VIL1: variants seen among roughly 807,000 people sequenced by gnomAD.
The protein encoded by VIL1 is villin-1.
A neutral mutation model predicts 104.0 loss-of-function variants in VIL1; 86 were observed. The ratio of observed to expected loss-of-function variants is 0.83; its 90% confidence interval spans 0.69 to 0.99. VIL1 has a LOEUF of 0.99. Among genes scored for constraint, VIL1 ranks in the 50% least tolerant of loss-of-function variants. VIL1 has a pLI of 0.00. For synonymous variants in VIL1, 394 were observed against 412.6 expected, an observed-to-expected ratio of 0.95 and a Z score of 0.55; for missense variants, 944 against 1,054.1, an observed-to-expected ratio of 0.90 and a Z score of 1.45.
intron 9 of VIL1, among the ~76,000 whole-genome samples, chr2:218,430,264 G>A (rs1025645536): frequency 6.6e-6 from 1 of 152,180 alleles, no homozygotes; most frequent in African/African-American, 2.4e-5. Context: ...GAAATGGAGG[G>A]AGGCTGGCTT....
chr2:218,431,922 CAGA>C lies in VIL1; in HGVS notation c.1172_1174del (p.Lys391del), dbSNP rs941192973. On this transcript the variant is annotated inframe_deletion, in exon 11 of 20. Coordinates refer to ENST00000248444, the MANE Select transcript of VIL1 (RefSeq NM_007127.3). ...TGTCAAGCCTCAGGTGGCTGCCCAG[CAGA>C]AGATGGTAGATGATGGGAGTGGGGA... is the stretch of plus-strand genomic sequence containing the variant. 12 of 1,613,824 alleles carry C rather than the reference CAGA, an allele frequency of 7.4e-6. No homozygotes were observed. Among genetic ancestry groups the C allele is most frequent in the African/African-American group, 1.3e-5 (1 of 74,840 alleles).
intron 4 of VIL1, 37 bp downstream of exon 4, chr2:218,425,848 T>A: frequency 6.4e-7 from 1 of 1,574,728 alleles, no homozygotes; most frequent in Non-Finnish European, 8.6e-7. Context: ...GGAATGAGGA[T>A]GAGTGGTAGG....
intron 19 of VIL1, among the ~76,000 whole-genome samples, chr2:218,442,578 C>T (rs1689301457): frequency 6.6e-6 from 1 of 152,034 alleles, no homozygotes. Context: ...TCAAGTGATC[C>T]TCCCACCTCA....
intron 19 of VIL1, among the ~76,000 whole-genome samples, chr2:218,442,619 G>C (rs966580337): frequency 7.9e-5 from 12 of 152,046 alleles, no homozygotes; most frequent in African/African-American, 2.9e-4. Flanking sequence ...TACAGCGACT[G>C]CACCCAGCCT....
Position 218,450,248 on chromosome 2 carries a change from AAAG to A in VIL1, c.*916_*918del, listed in dbSNP as rs1689446873. The A allele has an allele frequency of 6.6e-6, 1 of 152,388 alleles. No homozygotes were observed. The highest frequency in any genetic ancestry group is 1.9e-4 in the East Asian group (1 of 5,190). 9.4% of individuals were successfully genotyped at this position (152,388 alleles called of 1,614,324 possible). ...CCTTTTCAGAAATAACAGTCAAATC[AAAG>A]AAGGTTAATAAAGGCTTTAATTTCA... On this transcript the variant is annotated 3_prime_UTR_variant, in exon 20 of 20. Coordinates refer to ENST00000248444, the MANE Select transcript of VIL1 (RefSeq NM_007127.3).
chr2:218,431,442 C>T (rs1432001426), intron 10 of VIL1, among the ~76,000 whole-genome samples: 2 of 151,620 alleles, frequency 1.3e-5, no homozygotes, highest in Admixed American at 1.3e-4. Flanking sequence ...CGAACAGCTT[C>T]AGTCTCTTAC....
rs758543446 is a variant in VIL1 at position 218,425,607 on chromosome 2, T to C, written c.151-8T>C. On this transcript the variant is annotated splice_polypyrimidine_tract_variant and splice_region_variant and intron_variant, in intron 3 of 19. Coordinates refer to ENST00000248444, the MANE Select transcript of VIL1 (RefSeq NM_007127.3). Reference sequence around the variant, plus strand: ...GGGTCTCGGGTACACTGGACACCTTTTCCCTAGATCCACAAGACAGCCAGC... The same window carrying C: ...GGGTCTCGGGTACACTGGACACCTTCTCCCTAGATCCACAAGACAGCCAGC... The C allele has an allele frequency of 1.4e-5, 23 of 1,613,754 alleles. No homozygotes were observed. The Admixed American group carries it at 3.8e-4, about 27-fold the overall frequency.
chr2:218,430,998 G>C (rs1325161776), intron 10 of VIL1, 120 bp downstream of exon 10: 1 of 1,328,888 alleles, frequency 7.5e-7, no homozygotes, highest in Non-Finnish European at 1.0e-6. Flanking sequence ...CTTTTACGCT[G>C]GCTCTGGGCT....
In VIL1 at chr2:218,434,652, A is replaced by G; in HGVS notation, c.1627A>G (p.Asn543Asp). 2.5e-6 allele frequency: 4 copies of G among 1,614,092 alleles called. No individual in the cohort carries two copies. Among genetic ancestry groups the G allele is most frequent in the Non-Finnish European group, 3.4e-6 (4 of 1,179,996 alleles). ...AGCGCGGGCCAATTTCCTCAATTCCAATGATGTCTTTGTCCTCAAGACCCA... is the reference window on the plus strand; with the variant it reads ...AGCGCGGGCCAATTTCCTCAATTCCGATGATGTCTTTGTCCTCAAGACCCA... ...VPARANFLNS[N>D]DVFVLKTQSC... is the part of the protein sequence containing the mutation. Residue 543 changes from asparagine to aspartate, a missense_variant, in exon 14 of 20, where the codon AAT (asparagine) becomes GAT (aspartate). Coordinates refer to ENST00000248444, the MANE Select transcript of VIL1 (RefSeq NM_007127.3).
chr2:218,420,355 G>A (rs1034690307), intron 1 of VIL1, among the ~76,000 whole-genome samples: 2 of 149,564 alleles, frequency 1.3e-5, no homozygotes, highest in African/African-American at 4.9e-5. Flanking sequence ...CTTGAACCCA[G>A]GAGGCGGAGA....
intron 15 of VIL1, 136 bp downstream of exon 15, chr2:218,435,570 C>T (rs996528662): frequency 3.5e-5 from 44 of 1,244,718 alleles, no homozygotes; most frequent in Middle Eastern, 5.2e-4. Context: ...ACCCCCAGGG[C>T]TACAAGATGA....
chr2:218,443,635 A>G lies in VIL1; in HGVS notation c.2370+2773A>G, dbSNP rs563350717. 3.9e-5 allele frequency among the ~76,000 whole-genome samples: 6 copies of G among 152,140 alleles called. No individual in the cohort carries two copies. In the South Asian group the frequency reaches 1.2e-3, roughly 32 times the overall value. On this transcript the variant is annotated intron_variant, in intron 19 of 19. Coordinates refer to ENST00000248444, the MANE Select transcript of VIL1 (RefSeq NM_007127.3). ...GTAGAAGCAGTCAAAGAAGGCTTAG[A>G]TTCTTTTGTAAAAATCAGTTTTCTG...
Position 218,429,785 on chromosome 2 carries a change from T to C in VIL1, c.850-64T>C. Reference sequence around the variant, plus strand: ...GGCCTGGGAGGGAGAGACTTTTTTGTGTGTGAGGCTTTCCCAGTCCAGCAC... The same window carrying C: ...GGCCTGGGAGGGAGAGACTTTTTTGCGTGTGAGGCTTTCCCAGTCCAGCAC... On this transcript the variant is annotated intron_variant, in intron 8 of 19. Transcript: ENST00000248444. 6 of 1,585,356 alleles carry C rather than the reference T, an allele frequency of 3.8e-6. No individual in the cohort carries two copies. In the South Asian group the frequency reaches 6.6e-5, roughly 18 times the overall value.
rs1365836109 is a variant in VIL1, at chr2:218,432,077, C to T, written c.1235C>T (p.Pro412Leu). The T allele has an allele frequency of 1.2e-6, 2 of 1,614,146 alleles. No individual in the cohort carries two copies. Among genetic ancestry groups the T allele is most frequent in the Non-Finnish European group, 1.7e-6 (2 of 1,180,018 alleles). ...VWRIENLELV[P>L]VDSKWLGHFY... ...CGCATTGAGAACCTAGAGCTGGTACCTGTGGATTCCAAGTGGCTAGGCCAC... is the reference window on the plus strand; with the variant it reads ...CGCATTGAGAACCTAGAGCTGGTACTTGTGGATTCCAAGTGGCTAGGCCAC... The change falls in exon 12 of 20, where the codon CCT becomes CTT. Residue 412 changes from proline (P) to leucine (L), a missense_variant. Pro to Leu is a moderately conservative substitution (Grantham distance 98). Coordinates refer to ENST00000248444, the MANE Select transcript of VIL1 (RefSeq NM_007127.3).
chr2:218,434,875 A>C (rs899058163), intron 14 of VIL1, among the ~76,000 whole-genome samples, 170 bp downstream of exon 14: 8 of 152,114 alleles, frequency 5.3e-5, no homozygotes, highest in African/African-American at 1.9e-4. Context: ...CTCTGGGTCT[A>C]TCCTTCTGCC....
rs765051792 is a variant in VIL1 at position 218,438,735 on chromosome 2, G to A, written c.2229+9G>A. ...GGAGCCAGATCACTGCTGTGAGTCC[G>A]GGGCGGGGTGGCTGGGCCCTGCAGT... is the stretch of plus-strand genomic sequence containing the variant. On this transcript the variant is annotated intron_variant, in intron 18 of 19. Coordinates refer to ENST00000248444, the MANE Select transcript of VIL1 (RefSeq NM_007127.3). The A allele has an allele frequency of 1.1e-5, 17 of 1,608,040 alleles. No homozygotes were observed. The highest frequency in any genetic ancestry group is 1.7e-4 in the Middle Eastern group (1 of 5,896).
intron 19 of VIL1, among the ~76,000 whole-genome samples, chr2:218,445,569 T>C (rs1007688854): frequency 6.6e-5 from 10 of 151,826 alleles, no homozygotes; most frequent in African/African-American, 1.5e-4. Flanking sequence ...CCCCCTGAGG[T>C]TGAAATCCAT....
rs1317314939 is a variant in VIL1 at position 218,425,766 on chromosome 2, G to A, written c.302G>A (p.Gly101Asp). 1.2e-6 allele frequency: 2 copies of A among 1,613,732 alleles called. No homozygotes were observed. The highest frequency in any genetic ancestry group is 1.7e-6 in the Non-Finnish European group (2 of 1,179,842). The change falls in exon 4 of 20, where the codon GGC becomes GAC. Residue 101 changes from glycine (G) to aspartate (D), a missense_variant. Physicochemically the swap from Gly to Asp is moderately conservative, Grantham distance 94. Transcript: ENST00000248444. Reference sequence around the variant, plus strand: ...GCTGTGCAGCACCGCGAGGTCCAGGGCAACGAGAGCGAGGCCTTCCGAGGC... The same window carrying A: ...GCTGTGCAGCACCGCGAGGTCCAGGACAACGAGAGCGAGGCCTTCCGAGGC... ...GRAVQHREVQGNESEAFRGYF... is the reference protein window; with the variant it reads ...GRAVQHREVQDNESEAFRGYF...
At chr2:218,445,038 T>C (rs2106397742) in intron 19 of VIL1, among the ~76,000 whole-genome samples, 1 of 152,120 alleles carries the variant, frequency 6.6e-6, no homozygotes, top group South Asian at 2.1e-4. Context: ...ACAAACAGAT[T>C]TGGGGTATGG....
Sources: allele counts gnomAD v4.1 joint callset (sites outside exome capture counted in the v4.1 genomes callset), GRCh38; gene constraint gnomAD v4.1.1; transcripts MANE v1.5; gene names NCBI Gene and HGNC (gene_info 2026-07-23, HGNC 2026-07-21).